The following PCNX1 variants were observed in gnomAD, a reference collection of about 807,000 sequenced individuals.
The protein encoded by PCNX1 is pecanex 1, also known as pecanex-like protein 1.
Under a neutral mutation model 242.2 loss-of-function variants are expected in PCNX1, and 78 were observed. The ratio of observed to expected loss-of-function variants is 0.32; its 90% CI spans 0.27 to 0.39. The LOEUF (loss-of-function observed/expected upper bound fraction) is 0.39, where lower values mean the gene tolerates loss of function less well. PCNX1 is among the 10% of genes least tolerant of loss of function. The pLI, the probability that PCNX1 is intolerant of heterozygous loss-of-function variation, is 1.00. For missense variants in PCNX1, 2,581 were observed against 2,856.5 expected, an observed-to-expected ratio of 0.90 and a Z score of 2.20; for synonymous variants, 1,024 against 1,032.9, an observed-to-expected ratio of 0.99 and a Z score of 0.17.
chr14:71,110,105 C>T lies in PCNX1; in HGVS notation c.*170C>T, dbSNP rs1311688320. 1.0e-5 allele frequency: 7 copies of T among 697,122 alleles called. No homozygotes were observed. The highest frequency in any genetic ancestry group is 5.3e-5 in the African/African-American group (3 of 56,824). The allele number at this position is 697,122 out of a possible 1,614,324, so 43.2% of individuals were successfully genotyped here. A position where few individuals can be genotyped will look rare whatever the true frequency, so the allele number is the denominator to read the frequency against. On this transcript the variant is annotated 3_prime_UTR_variant, in exon 36 of 36. Transcript: ENST00000304743. ...CTCTCCTTTGCCCTTCACCCTGACT[C>T]CTGTCACTGTCTCCATCCCCAAATA...
chr14:70,988,718 C>T lies in PCNX1; in HGVS notation c.2444+19C>T. On this transcript the variant is annotated intron_variant, in intron 7 of 35. Transcript: ENST00000304743. ...CCCTAAGGTATGGTATTTTCAATTC[C>T]ACCAAGTTTAGCATGCATGTAACAA... 1 of 1,606,436 alleles carries T rather than the reference C, an allele frequency of 6.2e-7. No homozygotes were observed. The highest frequency in any genetic ancestry group is 8.5e-7 in the Non-Finnish European group (1 of 1,174,000).
chr14:71,021,273 A>G (rs978586930), intron 12 of PCNX1, among the ~76,000 whole-genome samples: 3 of 152,158 alleles, frequency 2.0e-5, no homozygotes, highest in African/African-American at 7.2e-5. Context: ...TGAAATTTAA[A>G]GTAGTTTTTT....
In PCNX1 at chr14:71,065,457, G is replaced by A. The variant is rs183316723; in HGVS notation, c.4852+7733G>A. ...TGTTCATATCCTTTGCCCATTTTTC[G>A]ATGGGGTTGTTTGTTTTTTTCTTGT... is the stretch of plus-strand genomic sequence containing the variant. On this transcript the variant is annotated intron_variant, in intron 26 of 35. Transcript: ENST00000304743. Among the ~76,000 whole-genome samples, 229 of 152,148 alleles carry A rather than the reference G, an allele frequency of 1.5e-3. 2 individuals are homozygous for A. Among genetic ancestry groups the A allele is most frequent in the Non-Finnish European group, 3.0e-3 (201 of 67,998 alleles).
rs547633784 is a variant in PCNX1 at position 71,077,350 on chromosome 14, C to A, written c.5337+931C>A. Reference sequence around the variant, plus strand: ...AAGCAAAAGCCTTGTGTAGTTGAACCACCAGTGTCGTATGTACAGATGTAC... The same window carrying A: ...AAGCAAAAGCCTTGTGTAGTTGAACAACCAGTGTCGTATGTACAGATGTAC... On this transcript the variant is annotated intron_variant, in intron 28 of 35. Transcript: ENST00000304743. 3.9e-5 allele frequency among the ~76,000 whole-genome samples: 6 copies of A among 152,284 alleles called. No homozygotes were observed. The South Asian group carries it at 1.2e-3, about 32-fold the overall frequency.
At chr14:71,063,359 T>C (rs572726252) in intron 26 of PCNX1, among the ~76,000 whole-genome samples, 16 of 152,334 alleles carry the variant, frequency 1.1e-4, no homozygotes, top group Non-Finnish European at 2.9e-5. Context: ...TGTTTTAGAA[T>C]ATAGGCAGAT....
chr14:71,085,740 G>T, intron 28 of PCNX1: 1 of 296,782 alleles, frequency 3.4e-6, no homozygotes. Context: ...GAATAAAGGT[G>T]GTTTTAGCTT....
intron 15 of PCNX1, among the ~76,000 whole-genome samples, chr14:71,027,405 A>C (rs2060268895): frequency 6.6e-6 from 1 of 151,964 alleles, no homozygotes; most frequent in African/African-American, 2.4e-5. Context: ...TGTGGCTATG[A>C]ATTGATACAC....
chr14:70,948,900 C>T (rs1014563021), intron 2 of PCNX1, among the ~76,000 whole-genome samples: 1 of 145,366 alleles, frequency 6.9e-6, no homozygotes, highest in Non-Finnish European at 1.5e-5. Flanking sequence ...TACACACATA[C>T]GTGTATATAC....
chr14:70,980,618 T>G (rs1029976946), intron 6 of PCNX1, among the ~76,000 whole-genome samples: 4 of 152,134 alleles, frequency 2.6e-5, no homozygotes, highest in Non-Finnish European at 4.4e-5. Context: ...AGGGGTTTTG[T>G]TGGGAGTTTA....
intron 6 of PCNX1, among the ~76,000 whole-genome samples, chr14:70,981,642 T>A (rs946295589): frequency 1.3e-5 from 2 of 152,196 alleles, no homozygotes; most frequent in African/African-American, 4.8e-5. Context: ...TTTCTGTTGA[T>A]CTCTTGTTTT....
At position 71,102,133 on chromosome 14, in the gene PCNX1, TGCTC is replaced by T; in HGVS notation, c.5734_5737del (p.Ala1912CysfsTer22). 6.2e-7 allele frequency: 1 copy of T among 1,614,120 alleles called. No homozygotes were observed. Among genetic ancestry groups the T allele is most frequent in the Non-Finnish European group, 8.5e-7 (1 of 1,179,970 alleles). ...TACTTGCCAACTCTCCCTCCTTGCTTGCTCTGCGGCATGTCATGGATGATGGCAC... is the reference window on the plus strand; with the variant it reads ...TACTTGCCAACTCTCCCTCCTTGCTTTGCGGCATGTCATGGATGATGGCAC... On this transcript the variant is annotated frameshift_variant, in exon 31 of 36. Coordinates refer to ENST00000304743, the MANE Select transcript of PCNX1 (RefSeq NM_014982.3). LOFTEE classifies it high-confidence loss of function.
At chr14:71,066,351 A>G (rs992726408) in intron 26 of PCNX1, among the ~76,000 whole-genome samples, 1 of 152,072 alleles carries the variant, frequency 6.6e-6, no homozygotes, top group Non-Finnish European at 1.5e-5. Flanking sequence ...TTGTATTCCT[A>G]GGTATTTTAT....
At chr14:70,915,892 T>G (rs1048682202) in intron 1 of PCNX1, among the ~76,000 whole-genome samples, 2 of 152,062 alleles carry the variant, frequency 1.3e-5, no homozygotes, top group African/African-American at 4.8e-5. Flanking sequence ...AAAGCACATG[T>G]GTTAAAGGAT....
intron 19 of PCNX1, among the ~76,000 whole-genome samples, chr14:71,041,854 A>G (rs771905641): frequency 4.0e-5 from 6 of 151,728 alleles, no homozygotes; most frequent in African/African-American, 9.7e-5. Context: ...TGCTTTTGCT[A>G]TATTCCATAG....
At chr14:71,106,549 T>G (rs1012036640) in intron 33 of PCNX1, among the ~76,000 whole-genome samples, 3 of 143,882 alleles carry the variant, frequency 2.1e-5, no homozygotes, top group South Asian at 4.3e-4. Flanking sequence ...CCAGAAAGGT[T>G]TTTTTTTTTT....
chr14:70,974,981 A>G (rs2058651440), intron 5 of PCNX1, among the ~76,000 whole-genome samples: 1 of 152,216 alleles, frequency 6.6e-6, no homozygotes, highest in Non-Finnish European at 1.5e-5. Flanking sequence ...GTATCGAAAA[A>G]AGTGCATGTA....
At chr14:70,999,505 T>TACAAAGC (rs1304733175) in intron 8 of PCNX1, among the ~76,000 whole-genome samples, 2 of 152,216 alleles carry the variant, frequency 1.3e-5, no homozygotes, top group Non-Finnish European at 2.9e-5. Flanking sequence ...ACAAAGCATG[T>TACAAAGC]ATATATCATG....
Position 70,968,205 on chromosome 14 carries a change from C to G in PCNX1, c.476C>G (p.Ser159Cys), listed in dbSNP as rs528717820. Residue 159 changes from serine (S) to cysteine (C), a missense_variant, in exon 4 of 36, where the codon TCT (serine) becomes TGT (cysteine). Coordinates refer to ENST00000304743, the MANE Select transcript of PCNX1 (RefSeq NM_014982.3). The part of the protein sequence containing the change: ...AGLDPSNQIG[S>C]GSSRLGTAAT... ...TTCATGTCACGTTTTCAGATTGGAT[C>G]TGGTTCCTCGCGTCTTGGAACAGCA... 1.2e-6 allele frequency: 2 copies of G among 1,612,232 alleles called. No homozygotes were observed. Among genetic ancestry groups the G allele is most frequent in the African/African-American group, 1.3e-5 (1 of 74,960 alleles).
In PCNX1 at chr14:71,109,798, A is replaced by AT; in HGVS notation, c.6891dup (p.His2298SerfsTer26). On this transcript the variant is annotated frameshift_variant, in exon 36 of 36. Coordinates refer to ENST00000304743, the MANE Select transcript of PCNX1 (RefSeq NM_014982.3). LOFTEE classifies it high-confidence loss of function. ...TTGTTTTATTCTGAATCATTAGGTG[A>AT]TTCACCGATGGGTGCCTTGCAGCAG... 3 of 1,613,872 alleles carry AT rather than the reference A, an allele frequency of 1.9e-6. No individual in the cohort carries two copies. Among genetic ancestry groups the AT allele is most frequent in the Non-Finnish European group, 2.5e-6 (3 of 1,179,834 alleles).
Sources: allele counts gnomAD v4.1 joint callset (sites outside exome capture counted in the v4.1 genomes callset), GRCh38; gene constraint gnomAD v4.1.1; transcripts MANE v1.5; gene names NCBI Gene and HGNC (gene_info 2026-07-23, HGNC 2026-07-21).